CTBS: variants seen among roughly 807,000 people sequenced by gnomAD.
CTBS encodes the protein di-N-acetylchitobiase.
CTBS carries 35 observed loss-of-function variants against 44.3 expected under a neutral mutation model. That is an observed-to-expected ratio of 0.79 (90% CI 0.60 to 1.05). The LOEUF is 1.05. Among genes scored for constraint, CTBS ranks in the 50% least tolerant of loss-of-function variants. CTBS has a pLI of 0.00. For synonymous variants in CTBS, 143 were observed against 168.0 expected, an observed-to-expected ratio of 0.85 and a Z score of 1.15; for missense variants, 458 against 475.3, an observed-to-expected ratio of 0.96 and a Z score of 0.34.
Position 84,553,980 on chromosome 1 carries a change from T to C in CTBS, c.*1019A>G, listed in dbSNP as rs1001426224. The C allele has an allele frequency of 6.6e-6, 1 of 152,106 alleles. No homozygotes were observed. Among genetic ancestry groups the C allele is most frequent in the Admixed American group, 6.6e-5 (1 of 15,246 alleles). The allele number at this position is 152,106 out of a possible 1,614,324, so 9.4% of individuals were successfully genotyped here. On this transcript the variant is annotated 3_prime_UTR_variant, in exon 7 of 7. Coordinates refer to ENST00000370630, the MANE Select transcript of CTBS (RefSeq NM_004388.3). ...GAGAACTAGTTGAGAAGCTAATCAGTGTCTTTAGATCATTAAAAGCACAAT... is the reference window on the plus strand; with the variant it reads ...GAGAACTAGTTGAGAAGCTAATCAGCGTCTTTAGATCATTAAAAGCACAAT...
At chr1:84,563,587 C>T (rs1684634188) in intron 5 of CTBS, 148 bp downstream of exon 5, 4 of 634,316 alleles carry the variant, frequency 6.3e-6, no homozygotes, top group Non-Finnish European at 9.7e-6. Flanking sequence ...GTATGATAAT[C>T]ATAAGCTTTC....
intron 3 of CTBS, among the ~76,000 whole-genome samples, chr1:84,568,731 C>T (rs1647206485): frequency 6.6e-6 from 1 of 152,112 alleles, no homozygotes; most frequent in South Asian, 2.1e-4. Flanking sequence ...AGATTTCCCC[C>T]TCCAGTGCTG....
Position 84,555,155 on chromosome 1 carries a change from C to A in CTBS, c.1002G>T (p.Gln334His). 6.2e-7 allele frequency: 1 copy of A among 1,613,856 alleles called. No homozygotes were observed. Among genetic ancestry groups the A allele is most frequent in the African/African-American group, 1.3e-5 (1 of 74,984 alleles). Residue 334 changes from glutamine (Q) to histidine (H), a missense_variant, in exon 7 of 7, where the codon CAG (glutamine) becomes CAT (histidine). By Grantham distance (24) the Gln-to-His change is conservative. Coordinates refer to ENST00000370630, the MANE Select transcript of CTBS (RefSeq NM_004388.3). ...TATATGTTGCCTTTAAAGAAATACTCTGAGGGTTATCATACCATACTTGAT... is the reference window on the plus strand; with the variant it reads ...TATATGTTGCCTTTAAAGAAATACTATGAGGGTTATCATACCATACTTGAT... ...HFHQVWYDNP[Q>H]SISLKATYIQ...
intron 6 of CTBS, among the ~76,000 whole-genome samples, chr1:84,562,583 T>A (rs1427180986): frequency 6.6e-6 from 1 of 152,178 alleles, no homozygotes; most frequent in Non-Finnish European, 1.5e-5. Context: ...GGATTTGTAC[T>A]TAGATTTTTG....
In CTBS at chr1:84,574,327, AGCGCCAG is replaced by A; in HGVS notation, c.82_88del (p.Leu28CysfsTer73). On this transcript the variant is annotated frameshift_variant, in exon 1 of 7. Transcript: ENST00000370630. LOFTEE classifies it high-confidence loss of function. Reference sequence around the variant, plus strand: ...CCCGGCCGCGAGCCGCAGCGCCAGCAGCGCCAGCAGCGCCAGCAGCGCTAGACCCGGG... The same window carrying A: ...CCCGGCCGCGAGCCGCAGCGCCAGCACAGCGCCAGCAGCGCTAGACCCGGG... 1.3e-6 allele frequency: 2 copies of A among 1,563,198 alleles called. No homozygotes were observed. Among genetic ancestry groups the A allele is most frequent in the Non-Finnish European group, 1.7e-6 (2 of 1,154,352 alleles).
chr1:84,553,151 T>TA lies in CTBS; in HGVS notation c.*1847dup. The TA allele has an allele frequency of 7.9e-7, 1 of 1,266,494 alleles. No homozygotes were observed. Among genetic ancestry groups the TA allele is most frequent in the African/African-American group, 1.5e-5 (1 of 65,228 alleles). 78.5% of individuals were successfully genotyped at this position (1,266,494 alleles called of 1,614,324 possible). A position where few individuals can be genotyped will look rare whatever the true frequency, so the allele number is the denominator to read the frequency against. ...TATGTTAATTTAAAACTTTTATTTG[T>TA]AAAAAAATTTAAATATGTATTTGAA... On this transcript the variant is annotated 3_prime_UTR_variant, in exon 7 of 7. Transcript: ENST00000370630.
chr1:84,572,844 A>C (rs1179585343), intron 1 of CTBS, among the ~76,000 whole-genome samples: 1 of 151,830 alleles, frequency 6.6e-6, no homozygotes, highest in African/African-American at 2.4e-5. Context: ...ACGCCCAGCT[A>C]ATTTTTGTAT....
At chr1:84,565,117 T>C (rs1294877981) in intron 4 of CTBS, among the ~76,000 whole-genome samples, 1 of 151,948 alleles carries the variant, frequency 6.6e-6, no homozygotes, top group Admixed American at 6.6e-5. Context: ...AGGCTAAGGC[T>C]GAGCTTGTGA....
Position 84,553,925 on chromosome 1 carries a change from C to T in CTBS, c.*1074G>A, listed in dbSNP as rs1194001374. 1 of 152,110 alleles carries T rather than the reference C, an allele frequency of 6.6e-6. No individual in the cohort carries two copies. Among genetic ancestry groups the T allele is most frequent in the Non-Finnish European group, 1.5e-5 (1 of 68,002 alleles). The allele number at this position is 152,110 out of a possible 1,614,324, so 9.4% of individuals were successfully genotyped here. On this transcript the variant is annotated 3_prime_UTR_variant, in exon 7 of 7. Transcript: ENST00000370630. ...AACAGACTTTATTACATTTAGAAAA[C>T]TTATTTGTATAAAATTGATCTTTTA...
At chr1:84,573,937 G>A in intron 1 of CTBS, 1 of 1,297,956 alleles carries the variant, frequency 7.7e-7, no homozygotes, top group Non-Finnish European at 9.8e-7. Context: ...TTTACACCCA[G>A]AGTGCTTCCG....
intron 4 of CTBS, among the ~76,000 whole-genome samples, chr1:84,564,886 T>A (rs1684663079): frequency 6.6e-6 from 1 of 151,768 alleles, no homozygotes; most frequent in Non-Finnish European, 1.5e-5. Flanking sequence ...AAATCTTTTT[T>A]AAATTAGCTG....
chr1:84,565,287 G>A (rs1684669694), intron 4 of CTBS, among the ~76,000 whole-genome samples: 3 of 151,658 alleles, frequency 2.0e-5, no homozygotes, highest in Admixed American at 2.0e-4. Flanking sequence ...AAACTTTGAA[G>A]AGGATAATGC....
chr1:84,570,809 C>T, intron 1 of CTBS, 89 bp from the exon 2 acceptor site: 1 of 1,272,442 alleles, frequency 7.9e-7, no homozygotes, highest in Non-Finnish European at 1.1e-6. Flanking sequence ...CACCATACAC[C>T]AAACACTATG....
At chr1:84,567,695 T>C (rs1684725864) in intron 3 of CTBS, among the ~76,000 whole-genome samples, 1 of 152,202 alleles carries the variant, frequency 6.6e-6, no homozygotes, top group African/African-American at 2.4e-5. Context: ...CTAGTCATTT[T>C]TTGTTGGTTA....
In CTBS at chr1:84,569,998, T is replaced by C. The variant is rs1383058011; in HGVS notation, c.458A>G (p.Tyr153Cys). The change falls in exon 3 of 7, where the codon TAT becomes TGT. Residue 153 changes from tyrosine (Y) to cysteine (C), a missense_variant. Coordinates refer to ENST00000370630, the MANE Select transcript of CTBS (RefSeq NM_004388.3). ...TTTGACTAAAGCAGTTAATGCATCA[T>C]ATTCAGGTGATAAACAATTAACTTC... ...EQEVNCLSPE[Y>C]DALTALVKET... 4 of 1,613,566 alleles carry C rather than the reference T, an allele frequency of 2.5e-6. No homozygotes were observed. Among genetic ancestry groups the C allele is most frequent in the African/African-American group, 1.3e-5 (1 of 75,042 alleles).
In CTBS at chr1:84,565,872, T is replaced by G. The variant is rs1684689457; in HGVS notation, c.666A>C (p.Ala222=). Residue 222 remains alanine, a synonymous_variant, in exon 4 of 7, where the codon GCA becomes GCC. Transcript: ENST00000370630. ...ATGTCTGATTATAGGGAGCATTGGC[T>G]GCTGCAATACATTCTGACCAGATCT... ...QSQIWSECIA[A]ANAPYNQTLT... is the part of the protein sequence containing the mutation. 6.4e-7 allele frequency: 1 copy of G among 1,570,020 alleles called. No homozygotes were observed. The highest frequency in any genetic ancestry group is 8.6e-7 in the Non-Finnish European group (1 of 1,161,170).
At chr1:84,560,617 T>C (rs1364873409) in intron 6 of CTBS, among the ~76,000 whole-genome samples, 1 of 152,206 alleles carries the variant, frequency 6.6e-6, no homozygotes, top group African/African-American at 2.4e-5. Flanking sequence ...GATGATGCCA[T>C]TTAAGACTTT....
intron 6 of CTBS, among the ~76,000 whole-genome samples, chr1:84,560,099 AAGAAAG>A (rs1451867951): frequency 0.021 from 477 of 22,398 alleles, 8 homozygotes; most frequent in African/African-American, 0.042. Flanking sequence ...AAAAAAAAAA[AAGAAAG>A]AAAGAAAGAA....
chr1:84,565,802 AT>A, intron 4 of CTBS, 38 bp downstream of exon 4: 1 of 1,092,674 alleles, frequency 9.2e-7, no homozygotes, highest in Non-Finnish European at 1.2e-6. Context: ...ATAGAATATT[AT>A]TAATATTATT....
Sources: gnomAD v4.1 joint callset for allele counts (sites outside exome capture counted in the v4.1 genomes callset) on GRCh38, gnomAD v4.1.1 for gene constraint, MANE v1.5 for transcripts, NCBI Gene and HGNC (gene_info 2026-07-23, HGNC 2026-07-21) for gene names.